The following UNC79 variants were observed in gnomAD, a reference collection of about 807,000 sequenced individuals.
The protein encoded by UNC79 is unc-79 subunit of NALCN channel complex, also known as protein unc-79 homolog.
In UNC79, 37 loss-of-function variants were observed where a neutral mutation model predicts 283.1. The observed-to-expected ratio is 0.13, with a 90% CI of 0.10 to 0.17. The LOEUF (loss-of-function observed/expected upper bound fraction) is 0.17. UNC79 is among the 10% of genes least tolerant of loss of function. The pLI, the probability that UNC79 is intolerant of heterozygous loss-of-function variation, is 1.00. For synonymous variants in UNC79, 1,107 were observed against 1,200.2 expected (o/e 0.92, Z 1.61); for missense variants, 2,272 against 3,211.1 (o/e 0.71, Z 7.07).
At chr14:93,519,431 AT>A (rs953742370) in intron 7 of UNC79, among the ~76,000 whole-genome samples, 1 of 151,802 alleles carries the variant, frequency 6.6e-6, no homozygotes, top group African/African-American at 2.4e-5. Context: ...GCAGCATACA[AT>A]TGGGTCATGG....
intron 40 of UNC79, among the ~76,000 whole-genome samples, chr14:93,670,346 C>T (rs2072707227): frequency 1.3e-5 from 2 of 152,204 alleles, no homozygotes; most frequent in African/African-American, 4.8e-5. Context: ...TTGCCAATTG[C>T]AGGCTCTGGT....
intron 1 of UNC79, among the ~76,000 whole-genome samples, chr14:93,451,630 A>AGTGGGGGAGAAAATTTAG (rs1365580379): frequency 2.0e-5 from 3 of 152,176 alleles, no homozygotes; most frequent in Non-Finnish European, 2.9e-5. Context: ...GGGCATGTGA[A>AGTGGGGGAGAAAATTTAG]GTGGGGGAGA....
At chr14:93,593,882 A>G (rs765180180) in intron 23 of UNC79, 45 bp downstream of exon 23, 6 of 1,526,458 alleles carry the variant, frequency 3.9e-6, no homozygotes, top group Non-Finnish European at 5.3e-6. Flanking sequence ...CACACAGTAC[A>G]CGGGTGTCTG....
intron 47 of UNC79, among the ~76,000 whole-genome samples, chr14:93,695,751 G>C (rs1318222745): frequency 6.6e-6 from 1 of 151,746 alleles, no homozygotes; most frequent in Non-Finnish European, 1.5e-5. Context: ...CATCAGCCAG[G>C]CATGGTGGCA....
intron 4 of UNC79, among the ~76,000 whole-genome samples, chr14:93,482,711 G>A (rs183193038): frequency 6.6e-6 from 1 of 152,202 alleles, no homozygotes; most frequent in East Asian, 1.9e-4. Flanking sequence ...TCCCCATTCA[G>A]GCCACTTCTT....
chr14:93,660,168 A>T (rs1186232656), intron 39 of UNC79, among the ~76,000 whole-genome samples: 1 of 152,158 alleles, frequency 6.6e-6, no homozygotes. Context: ...CCAACAATGT[A>T]CGTATTCTGC....
At chr14:93,366,449 A>C (rs539233863) in intron 1 of UNC79, among the ~76,000 whole-genome samples, 1 of 152,300 alleles carries the variant, frequency 6.6e-6, no homozygotes, top group African/African-American at 2.4e-5. Flanking sequence ...GGAAAACTCA[A>C]GTCTTGCTAA....
chr14:93,607,674 C>T (rs929334247), intron 26 of UNC79, among the ~76,000 whole-genome samples: 2 of 152,162 alleles, frequency 1.3e-5, no homozygotes, highest in Admixed American at 1.3e-4. Flanking sequence ...CAGAGCTATC[C>T]CCATCTCTCG....
chr14:93,549,246 A>G (rs1352094078), intron 14 of UNC79, among the ~76,000 whole-genome samples: 1 of 152,244 alleles, frequency 6.6e-6, no homozygotes, highest in Non-Finnish European at 1.5e-5. Context: ...CAGAAACATT[A>G]TAAAACACAA....
intron 26 of UNC79, among the ~76,000 whole-genome samples, chr14:93,606,803 A>C (rs893847836): frequency 1.3e-5 from 2 of 152,236 alleles, no homozygotes; most frequent in African/African-American, 4.8e-5. Context: ...TATACTCTGC[A>C]AGGTTTGCAG....
In UNC79 at chr14:93,540,841, A is replaced by G. The variant is rs770954704; in HGVS notation, c.1524+10A>G. The G allele has an allele frequency of 6.2e-7, 1 of 1,611,156 alleles. No individual in the cohort carries two copies. Among genetic ancestry groups the G allele is most frequent in the East Asian group, 2.2e-5 (1 of 44,898 alleles). Reference sequence around the variant, plus strand: ...CGGAATATGGTTCTTAGTAAGAAAAAGAAGTTAACTATTCTCCACTTTCTT... The same window carrying G: ...CGGAATATGGTTCTTAGTAAGAAAAGGAAGTTAACTATTCTCCACTTTCTT... On this transcript the variant is annotated intron_variant, in intron 13 of 48. Transcript: ENST00000555664.
At chr14:93,651,106 T>A (rs2070199515) in intron 35 of UNC79, among the ~76,000 whole-genome samples, 1 of 152,216 alleles carries the variant, frequency 6.6e-6, no homozygotes, top group Admixed American at 6.5e-5. Flanking sequence ...TGGATCTATT[T>A]CTGGGCTCTC....
chr14:93,655,655 A>C (rs557414437), intron 38 of UNC79, among the ~76,000 whole-genome samples: 261 of 151,838 alleles, frequency 1.7e-3, no homozygotes, highest in Non-Finnish European at 2.8e-3. Context: ...AAAAAAAAAA[A>C]AAAAAACAAA....
chr14:93,409,927 A>T (rs1047218105), intron 1 of UNC79, among the ~76,000 whole-genome samples: 4 of 152,230 alleles, frequency 2.6e-5, no homozygotes, highest in African/African-American at 9.6e-5. Flanking sequence ...GGCTTCACCA[A>T]TCAGTCCCCC....
chr14:93,393,260 A>C (rs1320253326), intron 1 of UNC79, among the ~76,000 whole-genome samples: 1 of 152,246 alleles, frequency 6.6e-6, no homozygotes, highest in Non-Finnish European at 1.5e-5. Context: ...TAGCAGTTAA[A>C]TTCCAACAAA....
intron 14 of UNC79, among the ~76,000 whole-genome samples, chr14:93,553,292 C>T (rs8010559): frequency 0.28 from 41,835 of 152,018 alleles, 6,293 homozygotes; most frequent in East Asian, 0.69. Context: ...CAAAAAGGGT[C>T]AGCAGCATTT....
At chr14:93,533,489 C>G (rs2060923174) in intron 11 of UNC79, among the ~76,000 whole-genome samples, 1 of 152,160 alleles carries the variant, frequency 6.6e-6, no homozygotes, top group Admixed American at 6.5e-5. Context: ...CTGGAATTGG[C>G]TGGCCCCAGA....
At chr14:93,546,209 G>T (rs1307899616) in intron 14 of UNC79, among the ~76,000 whole-genome samples, 4 of 152,144 alleles carry the variant, frequency 2.6e-5, no homozygotes, top group African/African-American at 4.8e-5. Context: ...CTGAATTCAG[G>T]CTCCTTTCCT....
chr14:93,622,148 C>G (rs1164129106), exon 30 of UNC79: 2 of 1,614,134 alleles, frequency 1.2e-6, no homozygotes, highest in Non-Finnish European at 8.5e-7. Flanking sequence ...GCCTCTTCCC[C>G]CTCTCAGAAT....
Sources: gnomAD v4.1 joint callset for allele counts (sites outside exome capture counted in the v4.1 genomes callset) on GRCh38, gnomAD v4.1.1 for gene constraint, MANE v1.5 for transcripts, NCBI Gene and HGNC (gene_info 2026-07-23, HGNC 2026-07-21) for gene names.